GTF3A: variants seen among roughly 807,000 people sequenced by gnomAD.
GTF3A encodes general transcription factor IIIA, also known as transcription factor IIIA.
GTF3A carries 40 observed loss-of-function variants against 37.6 expected under a neutral mutation model. The observed-to-expected ratio is 1.06, with a 90% CI of 0.83 to 1.38. GTF3A has a LOEUF of 1.38. GTF3A is among the 40% of genes most tolerant of loss of function. The pLI is 0.00. For synonymous variants in GTF3A, 191 were observed against 166.7 expected (o/e 1.15, Z -1.12); for missense variants, 500 against 462.6 (o/e 1.08, Z -0.74).
At chr13:27,435,382 CAG>C (rs1953704088) in intron 8 of GTF3A, 49 bp from the exon 9 acceptor site, 3 of 1,554,490 alleles carry the variant, frequency 1.9e-6, no homozygotes, top group Admixed American at 3.6e-5. Context: ...AAAATTAACT[CAG>C]ACAGTTTTGA....
chr13:27,430,751 A>C (rs1953649743), intron 4 of GTF3A, 130 bp downstream of exon 4: 1 of 643,794 alleles, frequency 1.6e-6, no homozygotes, highest in African/African-American at 1.8e-5. Flanking sequence ...GTCTGTTCAT[A>C]TCCTTTGCCC....
intron 2 of GTF3A, 147 bp from the exon 3 acceptor site, chr13:27,429,723 G>T: frequency 1.9e-6 from 1 of 529,956 alleles, no homozygotes; most frequent in South Asian, 2.9e-5. Flanking sequence ...ATGTGGTATG[G>T]CTTAACACTC....
At position 27,434,917 on chromosome 13, in the gene GTF3A, C is replaced by G; in HGVS notation, c.756C>G (p.Gly252=). ...ATGTATGTCGCTGTCCAAGAGAAGG[C>G]TGTGGAAGAACCTATACAACTGTGT... Residue 252 remains glycine, a synonymous_variant, in exon 7 of 9, where the codon GGC becomes GGG. Coordinates refer to ENST00000381140, the MANE Select transcript of GTF3A (RefSeq NM_002097.3). 6.2e-7 allele frequency: 1 copy of G among 1,608,684 alleles called. No individual in the cohort carries two copies. The highest frequency in any genetic ancestry group is 8.5e-7 in the Non-Finnish European group (1 of 1,175,036).
intron 4 of GTF3A, among the ~76,000 whole-genome samples, chr13:27,432,330 A>G (rs531050342): frequency 6.6e-6 from 1 of 152,324 alleles, no homozygotes; most frequent in South Asian, 2.1e-4. Flanking sequence ...AGATGCATCT[A>G]CTGCTGTGCT....
intron 3 of GTF3A, among the ~76,000 whole-genome samples, chr13:27,430,258 A>G (rs1953645273): frequency 6.6e-6 from 1 of 152,244 alleles, no homozygotes; most frequent in Non-Finnish European, 1.5e-5. Flanking sequence ...GAATTTACTT[A>G]ATGCCATCAT....
chr13:27,435,283 T>TA (rs112565353), intron 8 of GTF3A, 91 bp downstream of exon 8: 60,438 of 1,306,652 alleles, frequency 0.046, 6,865 homozygotes, highest in East Asian at 0.44. Context: ...TCACCTGCTT[T>TA]ACTGTTTGAG....
At chr13:27,433,600 G>A (rs1423493172) in intron 5 of GTF3A, among the ~76,000 whole-genome samples, 1 of 147,700 alleles carries the variant, frequency 6.8e-6, no homozygotes, top group Non-Finnish European at 1.5e-5. Flanking sequence ...TGTGCAGTAT[G>A]ACACTTACAA....
chr13:27,432,721 G>A lies in GTF3A; in HGVS notation c.489-10G>A, dbSNP rs1273031081. 4 of 1,597,638 alleles carry A rather than the reference G, an allele frequency of 2.5e-6. No homozygotes were observed. Among genetic ancestry groups the A allele is most frequent in the Non-Finnish European group, 3.4e-6 (4 of 1,171,320 alleles). On this transcript the variant is annotated splice_polypyrimidine_tract_variant and intron_variant, in intron 4 of 8. Coordinates refer to ENST00000381140, the MANE Select transcript of GTF3A (RefSeq NM_002097.3). ...TGGATTGGCTAATACCTCATGTGTT[G>A]CCAATGCAGGTGTACCCAGGAAGGA...
At chr13:27,428,661 C>T (rs1266146557) in intron 2 of GTF3A, among the ~76,000 whole-genome samples, 6 of 152,192 alleles carry the variant, frequency 3.9e-5, no homozygotes, top group Admixed American at 3.9e-4. Context: ...CCTCCTATCC[C>T]ATACCCGGTT....
intron 2 of GTF3A, among the ~76,000 whole-genome samples, chr13:27,429,558 C>T (rs563292438): frequency 6.6e-6 from 1 of 152,248 alleles, no homozygotes; most frequent in South Asian, 2.1e-4. Context: ...TTGTCTTAAG[C>T]ATGATTTAGG....
Position 27,435,435 on chromosome 13 carries a change from C to A in GTF3A, c.936C>A (p.Val312=), listed in dbSNP as rs1428558758. Residue 312 remains valine (V), a splice_region_variant and synonymous_variant, in exon 9 of 9, where the codon GTC becomes GTA. Coordinates refer to ENST00000381140, the MANE Select transcript of GTF3A (RefSeq NM_002097.3). ...GTGTGTCTTCCTTATTCCCAAAGGT[C>A]AAAAAATCTCGTGAAAAACGGAGTT... 2 of 1,611,308 alleles carry A rather than the reference C, an allele frequency of 1.2e-6. No individual in the cohort carries two copies. Among genetic ancestry groups the A allele is most frequent in the Non-Finnish European group, 1.7e-6 (2 of 1,178,576 alleles).
chr13:27,430,689 G>T, intron 4 of GTF3A, 68 bp downstream of exon 4: 1 of 972,198 alleles, frequency 1.0e-6, no homozygotes, highest in Non-Finnish European at 1.6e-6. Flanking sequence ...TGCAAGGGTG[G>T]TGTTGAGCAT....
rs772932088 is a variant in GTF3A at position 27,434,816 on chromosome 13, T to C, written c.655T>C (p.Cys219Arg). 7.5e-6 allele frequency: 12 copies of C among 1,606,068 alleles called. No homozygotes were observed. The highest frequency in any genetic ancestry group is 1.0e-5 in the Non-Finnish European group (12 of 1,173,590). Reference sequence around the variant, plus strand: ...GTCTGTCCCACCAGAGGAAATACTATGTGAAGTATGCCGGAAAACATTTAA... The same window carrying C: ...GTCTGTCCCACCAGAGGAAATACTACGTGAAGTATGCCGGAAAACATTTAA... The change falls in exon 7 of 9, where the codon TGT becomes CGT. Residue 219 changes from cysteine (C) to arginine (R), a missense_variant. Coordinates refer to ENST00000381140, the MANE Select transcript of GTF3A (RefSeq NM_002097.3).
chr13:27,432,819 C>G lies in GTF3A; in HGVS notation c.562+15C>G. 1 of 1,588,372 alleles carries G rather than the reference C, an allele frequency of 6.3e-7. No homozygotes were observed. The highest frequency in any genetic ancestry group is 8.6e-7 in the Non-Finnish European group (1 of 1,165,908). ...GGCCCACGAGGGTGTGTACGGATAGCCTGGGTGTGCTCCGAGGGGGATGCC... is the reference window on the plus strand; with the variant it reads ...GGCCCACGAGGGTGTGTACGGATAGGCTGGGTGTGCTCCGAGGGGGATGCC... On this transcript the variant is annotated intron_variant, in intron 5 of 8. Transcript: ENST00000381140.
intron 1 of GTF3A, 141 bp from the exon 2 acceptor site, chr13:27,426,951 G>A: frequency 1.7e-6 from 1 of 582,542 alleles, no homozygotes; most frequent in South Asian, 2.2e-5. Context: ...ACTGCGTCTT[G>A]CAGTGGGTGC....
At chr13:27,434,261 C>T (rs765893657) in intron 6 of GTF3A, 42 bp downstream of exon 6, 3 of 810,714 alleles carry the variant, frequency 3.7e-6, no homozygotes, top group Admixed American at 3.4e-5. Flanking sequence ...AAATGTTTGT[C>T]CCCACAGAAC....
In GTF3A at chr13:27,424,725, A is replaced by C; in HGVS notation, c.-13A>C. ...GCAGCGCGCCTGGCCCTGGGCTTGG[A>C]GGCGCCGGCGCCCTGGATCCGCCGG... is the stretch of plus-strand genomic sequence containing the variant. On this transcript the variant is annotated 5_prime_UTR_variant, in exon 1 of 9. Coordinates refer to ENST00000381140, the MANE Select transcript of GTF3A (RefSeq NM_002097.3). 3.5e-6 allele frequency: 5 copies of C among 1,430,672 alleles called. No homozygotes were observed. The South Asian group carries it at 7.3e-5, about 21-fold the overall frequency. The allele number at this position is 1,430,672 out of a possible 1,614,324, so 88.6% of individuals were successfully genotyped here. A position where few individuals can be genotyped will look rare whatever the true frequency, so the allele number is the denominator to read the frequency against.
rs1459185995 is a variant in GTF3A, at chr13:27,427,232, T to C, written c.302+40T>C. On this transcript the variant is annotated intron_variant, in intron 2 of 8. Transcript: ENST00000381140. ...GTTTTTAGGCTTTTGAAGTGGGTTGTGTTGGGCATATAGACCCAGTAAGAA... is the reference window on the plus strand; with the variant it reads ...GTTTTTAGGCTTTTGAAGTGGGTTGCGTTGGGCATATAGACCCAGTAAGAA... 3.1e-6 allele frequency: 3 copies of C among 954,924 alleles called. 1 individual carries two copies. Among genetic ancestry groups the C allele is most frequent in the Non-Finnish European group, 5.1e-6 (3 of 592,942 alleles). The allele number at this position is 954,924 out of a possible 1,614,324, so 59.2% of individuals were successfully genotyped here.
intron 6 of GTF3A, chr13:27,434,507 A>G: frequency 2.0e-5 from 11 of 548,626 alleles, no homozygotes; most frequent in Non-Finnish European, 3.5e-5. Flanking sequence ...AGTACCCTGC[A>G]TACTGGGGGA....
Sources: gnomAD v4.1 joint callset for allele counts (sites outside exome capture counted in the v4.1 genomes callset) on GRCh38, gnomAD v4.1.1 for gene constraint, MANE v1.5 for transcripts, NCBI Gene and HGNC (gene_info 2026-07-23, HGNC 2026-07-21) for gene names.